Variants in SHANK2 observed in about 807,000 individuals in gnomAD.
The protein encoded by SHANK2 is SH3 and multiple ankyrin repeat domains 2.
In SHANK2, 43 loss-of-function variants were observed where a neutral mutation model predicts 133.7. That is an observed-to-expected ratio of 0.32 (90% CI 0.25 to 0.41). SHANK2 has a LOEUF of 0.41. SHANK2 is among the 10% of genes least tolerant of loss of function. SHANK2 has a pLI of 1.00. For synonymous variants in SHANK2, 1,017 were observed against 952.8 expected (o/e 1.07, Z -1.24); for missense variants, 1,994 against 2,235.8 (o/e 0.89, Z 2.18).
chr11:70,657,289 C>A (rs1254009890), intron 17 of SHANK2, among the ~76,000 whole-genome samples: 1 of 152,122 alleles, frequency 6.6e-6, no homozygotes, highest in Non-Finnish European at 1.5e-5. Context: ...TGGCTGCTCA[C>A]CAAAAAGAAA....
At chr11:71,220,928 C>T (rs781906743) in intron 2 of SHANK2, among the ~76,000 whole-genome samples, 5 of 152,112 alleles carry the variant, frequency 3.3e-5, no homozygotes, top group African/African-American at 7.2e-5. Flanking sequence ...GGGCCAGGCA[C>T]GGTGGCTCAC....
intron 2 of SHANK2, among the ~76,000 whole-genome samples, chr11:71,180,234 G>A (rs546452451): frequency 1.3e-5 from 2 of 152,276 alleles, no homozygotes; most frequent in African/African-American, 4.8e-5. Flanking sequence ...CAGATGTGCC[G>A]ACCAACACCT....
chr11:70,943,936 A>G (rs1284104860), intron 10 of SHANK2: 1 of 456,394 alleles, frequency 2.2e-6, no homozygotes, highest in Non-Finnish European at 4.4e-6. Context: ...CTGTTTAAAT[A>G]TTACTTGTTG....
chr11:71,078,290 G>C (rs1424584412), intron 8 of SHANK2, among the ~76,000 whole-genome samples: 3 of 151,796 alleles, frequency 2.0e-5, no homozygotes, highest in African/African-American at 7.3e-5. Flanking sequence ...TGAATAAAGA[G>C]AACTCTGCAA....
At chr11:70,954,514 G>T (rs549191397) in intron 10 of SHANK2, among the ~76,000 whole-genome samples, 4 of 152,218 alleles carry the variant, frequency 2.6e-5, no homozygotes, top group African/African-American at 9.6e-5. Context: ...CTGTGCAAAA[G>T]GAAATCAGAC....
intron 17 of SHANK2, among the ~76,000 whole-genome samples, chr11:70,617,127 A>G (rs11236889): frequency 0.57 from 86,613 of 151,228 alleles, 25,284 homozygotes; most frequent in Middle Eastern, 0.72. Flanking sequence ...GACTGAGAGT[A>G]TGCTAATGTA....
rs60931223 is a variant in SHANK2 at position 70,874,096 on chromosome 11, C to T, written c.1174+22405G>A. The stretch of plus-strand genomic sequence containing the variant: ...TCCATCCATTCATCCATCCATCCAT[C>T]TTATCTATCAATCCATCTATCTAAT... On this transcript the variant is annotated intron_variant, in intron 11 of 25. Transcript: ENST00000601538. 7.3e-3 allele frequency among the ~76,000 whole-genome samples: 1,113 copies of T among 152,232 alleles called. 14 individuals are homozygous for T. Among genetic ancestry groups the T allele is most frequent in the African/African-American group, 0.026 (1,072 of 41,528 alleles).
chr11:71,219,821 C>T (rs1954498240), intron 2 of SHANK2, among the ~76,000 whole-genome samples: 1 of 151,884 alleles, frequency 6.6e-6, no homozygotes, highest in Non-Finnish European at 1.5e-5. Flanking sequence ...TCACTTGAGC[C>T]CAGGAGGCAG....
rs782520802 is a variant in SHANK2, at chr11:70,535,897, C to A, written c.2062-32966G>T. 3.3e-5 allele frequency among the ~76,000 whole-genome samples: 5 copies of A among 152,224 alleles called. No homozygotes were observed. Among genetic ancestry groups the A allele is most frequent in the Non-Finnish European group, 5.9e-5 (4 of 68,030 alleles). On this transcript the variant is annotated intron_variant, in intron 17 of 25. Transcript: ENST00000601538. The surrounding 1 kb of genome is among the most constrained non-coding windows in gnomAD (Gnocchi z 4.3). The stretch of plus-strand genomic sequence containing the variant: ...AAGCTGTGGGGGAAGCAGTGACTGG[C>A]CGGAGACCCCAGGAAAGGCACATAG...
At chr11:70,927,742 G>A (rs1950448641) in intron 10 of SHANK2, among the ~76,000 whole-genome samples, 1 of 152,118 alleles carries the variant, frequency 6.6e-6, no homozygotes, top group South Asian at 2.1e-4. Flanking sequence ...GGCTGTTCCT[G>A]GATATATCTG....
At chr11:70,926,563 A>G (rs1292904092) in intron 10 of SHANK2, among the ~76,000 whole-genome samples, 4 of 152,218 alleles carry the variant, frequency 2.6e-5, no homozygotes, top group Non-Finnish European at 5.9e-5. Flanking sequence ...AACCCCAGAC[A>G]GCACTGCAGC....
Position 71,094,577 on chromosome 11 carries a change from A to G in SHANK2, c.704T>C (p.Leu235Pro). Residue 235 changes from leucine to proline, a missense_variant, in exon 7 of 26, where the codon CTA (leucine) becomes CCA (proline). Coordinates refer to ENST00000601538, the MANE Select transcript of SHANK2 (RefSeq NM_012309.5). ...GTTCCTCGCTCGGGCAGCTTTGTGT[A>G]GGGCGGTCATCCCATCTTTGGCACG... is the stretch of plus-strand genomic sequence containing the variant. ...DFRAKDGMTA[L>P]HKAARARNQV... The G allele has an allele frequency of 6.4e-7, 1 of 1,551,634 alleles. No individual in the cohort carries two copies. The highest frequency in any genetic ancestry group is 8.7e-7 in the Non-Finnish European group (1 of 1,146,958).
At chr11:70,720,706 G>A (rs942630253) in intron 14 of SHANK2, among the ~76,000 whole-genome samples, 1 of 152,210 alleles carries the variant, frequency 6.6e-6, no homozygotes, top group Admixed American at 6.5e-5. Context: ...GTGTGTTCTT[G>A]CGGTATACAT....
chr11:70,943,111 G>A (rs1555084688), intron 10 of SHANK2: 12 of 456,394 alleles, frequency 2.6e-5, no homozygotes, highest in Admixed American at 4.7e-5. Context: ...AGTTCACCTG[G>A]CAAAGGTGGT....
At chr11:70,868,399 C>T (rs1404321780) in intron 11 of SHANK2, among the ~76,000 whole-genome samples, 5 of 152,198 alleles carry the variant, frequency 3.3e-5, no homozygotes, top group Admixed American at 3.3e-4. Flanking sequence ...GGAAATAATA[C>T]TATAATAAAC....
chr11:70,921,881 TATAAACA>T (rs1184917904), intron 10 of SHANK2, among the ~76,000 whole-genome samples: 1 of 152,234 alleles, frequency 6.6e-6, no homozygotes, highest in Non-Finnish European at 1.5e-5. Flanking sequence ...CCTGACATTC[TATAAACA>T]ATTACTAGTC....
At chr11:71,142,408 G>A (rs1286487766) in intron 3 of SHANK2, among the ~76,000 whole-genome samples, 2 of 152,170 alleles carry the variant, frequency 1.3e-5, no homozygotes, top group African/African-American at 4.8e-5. Flanking sequence ...GGCTGAGGGA[G>A]AAGAATCACT....
chr11:70,489,472 G>A, intron 23 of SHANK2, 124 bp from the exon 24 acceptor site: 1 of 889,572 alleles, frequency 1.1e-6, no homozygotes, highest in Non-Finnish European at 1.9e-6. Context: ...GCCACTTACT[G>A]CCTAGTGACT....
chr11:71,168,225 T>C (rs1285077259), intron 2 of SHANK2, among the ~76,000 whole-genome samples: 2 of 121,130 alleles, frequency 1.7e-5, no homozygotes, highest in East Asian at 4.7e-4. Flanking sequence ...TCTCAGACGA[T>C]GGGCGGCTGG....
Sources: gnomAD v4.1 joint callset for allele counts (sites outside exome capture counted in the v4.1 genomes callset) on GRCh38, gnomAD v4.1.1 for gene constraint, Gnocchi (gnomAD v3.1) non-coding constraint, MANE v1.5 for transcripts, NCBI Gene and HGNC (gene_info 2026-07-23, HGNC 2026-07-21) for gene names.